The following MARCHF6 variants were observed in gnomAD, a reference collection of about 807,000 sequenced individuals.
The protein encoded by MARCHF6 is membrane associated ring-CH-type finger 6, also known as E3 ubiquitin-protein ligase MARCHF6.
Under a neutral mutation model 133.7 loss-of-function variants are expected in MARCHF6, and 31 were observed. That is an observed-to-expected ratio of 0.23 (90% CI 0.17 to 0.31). The LOEUF (loss-of-function observed/expected upper bound fraction) is 0.31. MARCHF6 is among the 10% of genes least tolerant of loss of function. The pLI is 1.00. For synonymous variants in MARCHF6, 395 were observed against 402.5 expected (o/e 0.98, Z 0.22); for missense variants, 723 against 1,121.6 (o/e 0.64, Z 5.08).
At position 10,360,538 on chromosome 5, in the gene MARCHF6, A is replaced by G. The variant is rs191955662; in HGVS notation, c.19+6621A>G. ...TGTGCATAGGTTACTTGGAAATACT[A>G]TGCTGTTTTACATAAGGGACTTGAG... On this transcript the variant is annotated intron_variant, in intron 1 of 25. Coordinates refer to ENST00000274140, the MANE Select transcript of MARCHF6 (RefSeq NM_005885.4). Among the ~76,000 whole-genome samples, 236 of 152,276 alleles carry G rather than the reference A, an allele frequency of 1.5e-3. 1 individual carries two copies. Among genetic ancestry groups the G allele is most frequent in the South Asian group, 4.8e-3 (23 of 4,820 alleles).
At chr5:10,378,869 G>GT in intron 3 of MARCHF6, 37 bp downstream of exon 3, 1 of 1,396,890 alleles carries the variant, frequency 7.2e-7, no homozygotes, top group South Asian at 1.2e-5. Flanking sequence ...ATTTTTTTTG[G>GT]TTATCACTCG....
intron 9 of MARCHF6, among the ~76,000 whole-genome samples, chr5:10,396,397 G>A (rs1248438344): frequency 3.3e-5 from 5 of 152,104 alleles, no homozygotes; most frequent in Non-Finnish European, 4.4e-5. Context: ...AAATGTGTTG[G>A]GGATAGGGAA....
At chr5:10,420,065 T>C (rs1739751231) in intron 22 of MARCHF6, among the ~76,000 whole-genome samples, 1 of 151,798 alleles carries the variant, frequency 6.6e-6, no homozygotes, top group African/African-American at 2.4e-5. Flanking sequence ...TGTTGGTTGC[T>C]ACCCATCTGG....
Position 10,435,655 on chromosome 5 carries a change from A to AAC in MARCHF6, c.*1971_*1972insAC, listed in dbSNP as rs1740590261. 3.1e-4 allele frequency: 1 copy of AAC among 3,196 alleles called. No individual in the cohort carries two copies. The highest frequency in any genetic ancestry group is 0.012 in the East Asian group (1 of 82). 0.2% of individuals were successfully genotyped at this position (3,196 alleles called of 1,614,324 possible). A position where few individuals can be genotyped will look rare whatever the true frequency, so the allele number is the denominator to read the frequency against. On this transcript the variant is annotated 3_prime_UTR_variant, in exon 26 of 26. Transcript: ENST00000274140. ...ACTATATAACTATATATATATATAT[A>AAC]TATATATATATATATATATATATAT...
intron 9 of MARCHF6, among the ~76,000 whole-genome samples, chr5:10,395,781 T>A (rs1284174870): frequency 6.6e-6 from 1 of 152,192 alleles, no homozygotes; most frequent in African/African-American, 2.4e-5. Context: ...TTTGCTGTCC[T>A]CAGTGTTGGC....
intron 1 of MARCHF6, among the ~76,000 whole-genome samples, chr5:10,357,336 A>G (rs1205859010): frequency 1.4e-5 from 2 of 145,840 alleles, no homozygotes; most frequent in Non-Finnish European, 3.0e-5. Flanking sequence ...ATTTCGGCTC[A>G]GTGATATAAA....
chr5:10,407,636 A>G (rs1738973955), intron 17 of MARCHF6, among the ~76,000 whole-genome samples: 1 of 152,172 alleles, frequency 6.6e-6, no homozygotes, highest in African/African-American at 2.4e-5. Context: ...TTGTAGATGG[A>G]ACATCTTTTT....
Position 10,355,796 on chromosome 5 carries a change from C to T in MARCHF6, c.19+1879C>T, listed in dbSNP as rs577763120. On this transcript the variant is annotated intron_variant, in intron 1 of 25. Transcript: ENST00000274140. ...CCAGGATAATACAGGTAGTAAATGG[C>T]AGAGGCAAGATTCAGACTCATGTCT... Among the ~76,000 whole-genome samples, 33 of 152,282 alleles carry T rather than the reference C, an allele frequency of 2.2e-4. 1 individual carries two copies. The South Asian group carries it at 5.2e-3, about 24-fold the overall frequency.
chr5:10,426,353 T>C (rs768407544), intron 23 of MARCHF6, 37 bp from the exon 24 acceptor site: 1 of 1,605,908 alleles, frequency 6.2e-7, no homozygotes, highest in Non-Finnish European at 8.5e-7. Context: ...GAATTTGTCT[T>C]GTATCTTTGT....
intron 17 of MARCHF6, among the ~76,000 whole-genome samples, chr5:10,408,959 T>G (rs1342019022): frequency 2.6e-5 from 4 of 152,290 alleles, no homozygotes; most frequent in South Asian, 4.1e-4. Context: ...TATTTAGGTC[T>G]TTTTCTCTCT....
Position 10,415,685 on chromosome 5 carries a change from A to ACT in MARCHF6, c.2148+17_2148+18insTC. On this transcript the variant is annotated intron_variant, in intron 21 of 25. Transcript: ENST00000274140. ...GTCTCTCATGGTATGTGTGTGTAAT[A>ACT]CAAGACTGATCTTGTATGTTAGGAA... 6.3e-7 allele frequency: 1 copy of ACT among 1,598,254 alleles called. No homozygotes were observed. The highest frequency in any genetic ancestry group is 8.5e-7 in the Non-Finnish European group (1 of 1,169,738).
intron 1 of MARCHF6, among the ~76,000 whole-genome samples, chr5:10,356,176 GTTA>G (rs1009696293): frequency 2.6e-5 from 4 of 151,832 alleles, no homozygotes; most frequent in Middle Eastern, 3.4e-3. Context: ...TGTGAAATCA[GTTA>G]TTATAGGTTA....
chr5:10,399,349 A>G lies in MARCHF6; in HGVS notation c.914-1435A>G, dbSNP rs1258613894. ...ATAAATTTAAATATATTGGAAATACATGTTCAAAAATATTCTTACCCATGA... is the reference window on the plus strand; with the variant it reads ...ATAAATTTAAATATATTGGAAATACGTGTTCAAAAATATTCTTACCCATGA... On this transcript the variant is annotated intron_variant, in intron 10 of 25. Transcript: ENST00000274140. Among the ~76,000 whole-genome samples the G allele has an allele frequency of 5.3e-5, 8 of 152,116 alleles. No homozygotes were observed. The South Asian group carries it at 1.5e-3, about 28-fold the overall frequency.
intron 7 of MARCHF6, among the ~76,000 whole-genome samples, chr5:10,392,327 T>A (rs1164780892): frequency 3.9e-5 from 6 of 152,212 alleles, no homozygotes; most frequent in Non-Finnish European, 8.8e-5. Flanking sequence ...CTACTTTTTT[T>A]AAATAAAGGA....
intron 3 of MARCHF6, among the ~76,000 whole-genome samples, chr5:10,379,614 C>T (rs1241170371): frequency 2.6e-5 from 4 of 152,102 alleles, no homozygotes; most frequent in African/African-American, 4.8e-5. Context: ...GTGCCCACCA[C>T]CACACCTGGC....
chr5:10,377,767 A>C, intron 1 of MARCHF6, 31 bp from the exon 2 acceptor site: 1 of 1,493,038 alleles, frequency 6.7e-7, no homozygotes, highest in South Asian at 1.1e-5. Flanking sequence ...TTATAACCAA[A>C]GGAAATTCAA....
At chr5:10,381,291 C>T (rs986596476) in intron 3 of MARCHF6, among the ~76,000 whole-genome samples, 1 of 152,148 alleles carries the variant, frequency 6.6e-6, no homozygotes, top group South Asian at 2.1e-4. Context: ...ATGCTAACAT[C>T]GGGAAAGTGG....
At position 10,411,458 on chromosome 5, in the gene MARCHF6, C is replaced by T. The variant is rs1739225714; in HGVS notation, c.1817C>T (p.Ala606Val). 6.2e-7 allele frequency: 1 copy of T among 1,614,182 alleles called. No homozygotes were observed. The highest frequency in any genetic ancestry group is 8.5e-7 in the Non-Finnish European group (1 of 1,180,006). The change falls in exon 19 of 26, where the codon GCA (alanine) becomes GTA (valine). Residue 606 changes from alanine (A) to valine (V), a missense_variant. Ala to Val is a moderately conservative substitution (Grantham distance 64). This residue lies in a region of MARCHF6 where 492 missense variants were observed against 699.5 expected (regional missense o/e 0.70). Coordinates refer to ENST00000274140, the MANE Select transcript of MARCHF6 (RefSeq NM_005885.4). ...AIPVVGEGLHAAHQAILQQGG... is the reference protein window; with the variant it reads ...AIPVVGEGLHVAHQAILQQGG... Reference sequence around the variant, plus strand: ...CCTGTGGTGGGAGAAGGCCTTCATGCAGCCCACCAAGCCATACTCCAGCAG... The same window carrying T: ...CCTGTGGTGGGAGAAGGCCTTCATGTAGCCCACCAAGCCATACTCCAGCAG...
At chr5:10,407,520 AC>A (rs1479635289) in intron 17 of MARCHF6, among the ~76,000 whole-genome samples, 2 of 152,250 alleles carry the variant, frequency 1.3e-5, no homozygotes, top group Admixed American at 1.3e-4. Context: ...GAAATGTTTT[AC>A]CATACCTAAT....
Sources: allele counts gnomAD v4.1 joint callset (sites outside exome capture counted in the v4.1 genomes callset), GRCh38; gene constraint gnomAD v4.1.1; regional missense constraint gnomAD v4.1.1; transcripts MANE v1.5; gene names NCBI Gene and HGNC (gene_info 2026-07-23, HGNC 2026-07-21).